Variants in ARHGEF1 observed in about 807,000 individuals in gnomAD.
The protein encoded by ARHGEF1 is Rho guanine nucleotide exchange factor 1.
Under a neutral mutation model 119.7 loss-of-function variants are expected in ARHGEF1, and 40 were observed. That is an observed-to-expected ratio of 0.33 (90% CI 0.26 to 0.44). The LOEUF is 0.44. ARHGEF1 is among the 20% of genes least tolerant of loss of function. ARHGEF1 has a pLI of 1.00. For missense variants in ARHGEF1, 976 were observed against 1,268.3 expected (o/e 0.77, Z 3.50); for synonymous variants, 494 against 521.0 (o/e 0.95, Z 0.71).
At position 41,884,382 on chromosome 19, in the gene ARHGEF1, G is replaced by A. The variant is rs1051463397; in HGVS notation, c.-20+1093G>A. 1.9e-6 allele frequency: 3 copies of A among 1,563,366 alleles called. No individual in the cohort carries two copies. In the South Asian group the frequency reaches 3.4e-5, roughly 18 times the overall value. The stretch of plus-strand genomic sequence containing the variant: ...GAGGAGTGGAGCTGGGCGCAAAGGT[G>A]GACTCAGGGCGGCTAGAGCGACGCG... On this transcript the variant is annotated intron_variant, in intron 1 of 28. Coordinates refer to ENST00000354532, the MANE Select transcript of ARHGEF1 (RefSeq NM_004706.4).
At chr19:41,894,577 T>C in intron 10 of ARHGEF1, 30 bp downstream of exon 10, 1 of 1,613,982 alleles carries the variant, frequency 6.2e-7, no homozygotes, top group Non-Finnish European at 8.5e-7. Flanking sequence ...TGCCCTCCCC[T>C]GTCTTCCCCA....
intron 18 of ARHGEF1, among the ~76,000 whole-genome samples, chr19:41,915,773 G>A (rs1393247771): frequency 5.3e-5 from 8 of 151,918 alleles, no homozygotes; most frequent in Non-Finnish European, 7.4e-5. Flanking sequence ...TGCCCCTGGC[G>A]CCCCCCTGGC....
upstream of ARHGEF1, among the ~76,000 whole-genome samples, chr19:41,920,493 A>C (rs2074835717): frequency 6.7e-6 from 1 of 150,034 alleles, no homozygotes; most frequent in Non-Finnish European, 1.5e-5. Context: ...TGACACACAG[A>C]CATGACGCAC....
rs782794788 is a variant in ARHGEF1 at position 41,888,911 on chromosome 19, A to T, written c.225+46A>T. ...GCACAGGGAGGGGTGGGGCTGGGAC[A>T]GGCACAGCTTTTAGCGAATTAAACC... On this transcript the variant is annotated intron_variant, in intron 4 of 28. Transcript: ENST00000354532. This position sits in a 1 kb window ranked among gnomAD's most constrained non-coding sequence, Gnocchi z 5.1. The T allele has an allele frequency of 5.9e-6, 9 of 1,531,842 alleles. No individual in the cohort carries two copies. In the African/African-American group the frequency reaches 1.1e-4, roughly 19 times the overall value. 94.9% of individuals were successfully genotyped at this position (1,531,842 alleles called of 1,614,324 possible).
rs782667367 is a variant in ARHGEF1, at chr19:41,902,745, A to G, written c.1624-39A>G. 2 of 1,613,306 alleles carry G rather than the reference A, an allele frequency of 1.2e-6. No homozygotes were observed. Among genetic ancestry groups the G allele is most frequent in the Admixed American group, 1.7e-5 (1 of 59,958 alleles). On this transcript the variant is annotated intron_variant, in intron 17 of 28. Coordinates refer to ENST00000354532, the MANE Select transcript of ARHGEF1 (RefSeq NM_004706.4). This position sits in a 1 kb window ranked among gnomAD's most constrained non-coding sequence, Gnocchi z 6.5. ...GGTGCCTGCGCCCTGGGGTGAGCCC[A>G]AAGCCTGGGCCATCGCAACACCAGC... is the stretch of plus-strand genomic sequence containing the variant.
upstream of ARHGEF1, among the ~76,000 whole-genome samples, chr19:41,922,223 C>A (rs141685934): frequency 7.2e-5 from 11 of 152,156 alleles, no homozygotes; most frequent in African/African-American, 2.2e-4. Flanking sequence ...GAGCCCGGGG[C>A]TTGGCACCAA....
chr19:41,905,981 G>T lies in ARHGEF1; in HGVS notation c.2447G>T (p.Arg816Ile). ...CTCAGTGACCTCCTGCCCTTCTGCA[G>T]ACCAGGCCCCGAGGGCCAGCTCGCT... ...RILSDLLPFC[R>I]PGPEGQLAAT... Residue 816 changes from arginine (R) to isoleucine (I), a missense_variant, in exon 26 of 29, where the codon AGA becomes ATA. By Grantham distance (97) the Arg-to-Ile change is moderately conservative. Coordinates refer to ENST00000354532, the MANE Select transcript of ARHGEF1 (RefSeq NM_004706.4). The surrounding 1 kb of genome is among the most constrained non-coding windows in gnomAD (Gnocchi z 6.4). The T allele has an allele frequency of 6.2e-7, 1 of 1,614,082 alleles. No individual in the cohort carries two copies. Among genetic ancestry groups the T allele is most frequent in the Non-Finnish European group, 8.5e-7 (1 of 1,180,012 alleles).
chr19:41,919,771 C>T (rs926001622), upstream of ARHGEF1, among the ~76,000 whole-genome samples: 7 of 137,670 alleles, frequency 5.1e-5, no homozygotes, highest in African/African-American at 1.8e-4. Context: ...GACTGAGCCT[C>T]CTCATCTTGC....
Position 41,907,096 on chromosome 19 carries a change from AT to A in ARHGEF1, c.*18-8del. ...CTCCCCGTCTCCCCTCTTCTCCTAC[AT>A]CCCCCAGGCCTTTTGCAAGAAGGAG... On this transcript the variant is annotated splice_region_variant and splice_polypyrimidine_tract_variant and intron_variant, in intron 28 of 28. Transcript: ENST00000354532. The A allele has an allele frequency of 6.7e-7, 1 of 1,497,400 alleles. No homozygotes were observed. The highest frequency in any genetic ancestry group is 8.8e-7 in the Non-Finnish European group (1 of 1,130,766). The allele number at this position is 1,497,400 out of a possible 1,614,324, so 92.8% of individuals were successfully genotyped here.
At position 41,902,948 on chromosome 19, in the gene ARHGEF1, CATTTT is replaced by C; in HGVS notation, c.1738+51_1738+55del. On this transcript the variant is annotated intron_variant, in intron 18 of 28. Transcript: ENST00000354532. The surrounding 1 kb of genome is among the most constrained non-coding windows in gnomAD (Gnocchi z 6.5). ...CCTCGGCTCTCCTCTTTTTTTTTTACATTTTTTTTCTCACTCATTTTCATCAGTGA... is the reference window on the plus strand; with the variant it reads ...CCTCGGCTCTCCTCTTTTTTTTTTACTTTTCTCACTCATTTTCATCAGTGA... The C allele has an allele frequency of 7.1e-7, 1 of 1,404,412 alleles. No homozygotes were observed. Among genetic ancestry groups the C allele is most frequent in the Non-Finnish European group, 9.7e-7 (1 of 1,034,816 alleles). The allele number at this position is 1,404,412 out of a possible 1,614,324, so 87.0% of individuals were successfully genotyped here.
At chr19:41,899,931 A>AC (rs1802586494) in intron 14 of ARHGEF1, among the ~76,000 whole-genome samples, 1 of 152,054 alleles carries the variant, frequency 6.6e-6, no homozygotes, top group African/African-American at 2.4e-5. Context: ...AAAAAAAAAA[A>AC]AAAACATGAG....
upstream of ARHGEF1, among the ~76,000 whole-genome samples, chr19:41,919,706 TG>T (rs1196664018): frequency 4.6e-5 from 7 of 152,140 alleles, no homozygotes; most frequent in Non-Finnish European, 7.4e-5. Flanking sequence ...CCAGCCCAGC[TG>T]CCGGGGTCCT....
Position 41,888,099 on chromosome 19 carries a change from G to C in ARHGEF1, c.17G>C (p.Arg6Pro), listed in dbSNP as rs183598386. The change falls in exon 2 of 29, where the codon CGA (arginine) becomes CCA (proline). Residue 6 changes from arginine (R) to proline (P), a missense_variant. Arg to Pro is a moderately radical substitution (Grantham distance 103). Transcript: ENST00000354532. The surrounding 1 kb of genome is among the most constrained non-coding windows in gnomAD (Gnocchi z 5.1). Reference sequence around the variant, plus strand: ...CCCAGGGAGATGGAAGACTTCGCCCGAGGGGCGGTGAGTGGACAGAGCAAG... The same window carrying C: ...CCCAGGGAGATGGAAGACTTCGCCCCAGGGGCGGTGAGTGGACAGAGCAAG... Reference protein sequence around the residue: MEDFARGAASPGPSRP... With the variant: MEDFAPGAASPGPSRP... 1.9e-5 allele frequency: 30 copies of C among 1,613,622 alleles called. No individual in the cohort carries two copies. Among genetic ancestry groups the C allele is most frequent in the Non-Finnish European group, 2.5e-5 (30 of 1,179,980 alleles).
rs2074691283 is a variant in ARHGEF1, at chr19:41,906,130, C to G, written c.2491+105C>G. ...CAAAAATTTCCTTACGCCCAGCTGC[C>G]AGAAAACAAATGCTCCAAACCCACC... On this transcript the variant is annotated intron_variant, in intron 26 of 28. Transcript: ENST00000354532. This position sits in a 1 kb window ranked among gnomAD's most constrained non-coding sequence, Gnocchi z 4.5. The G allele has an allele frequency of 8.5e-7, 1 of 1,173,282 alleles. No homozygotes were observed. Among genetic ancestry groups the G allele is most frequent in the African/African-American group, 1.5e-5 (1 of 65,420 alleles). 72.7% of individuals were successfully genotyped at this position (1,173,282 alleles called of 1,614,324 possible).
At chr19:41,929,235 C>T in intron 2 of ARHGEF1, among the ~76,000 whole-genome samples, 1 of 151,986 alleles carries the variant, frequency 6.6e-6, no homozygotes, top group Non-Finnish European at 1.5e-5. Flanking sequence ...ACAAACTGGA[C>T]ACAAAGACAA....
downstream of ARHGEF1, chr19:41,909,830 C>A (rs1301079404): frequency 3.8e-6 from 6 of 1,560,110 alleles, no homozygotes; most frequent in Admixed American, 1.1e-4. This position sits in a 1 kb window ranked among gnomAD's most constrained non-coding sequence, Gnocchi z 5.2. Flanking sequence ...GGGAAAAGGA[C>A]AAGGTGGGAT....
chr19:41,928,580 G>C (rs2074886566), intron 1 of ARHGEF1: 1 of 167,956 alleles, frequency 6.0e-6, no homozygotes. Flanking sequence ...GGCTCGGCTC[G>C]CAGATATATG....
chr19:41,887,235 A>G (rs1384336370), intron 1 of ARHGEF1, among the ~76,000 whole-genome samples: 1 of 152,114 alleles, frequency 6.6e-6, no homozygotes, highest in African/African-American at 2.4e-5. Context: ...AAAATGAGAC[A>G]GTTCTGGAGG....
chr19:41,910,992 C>T (rs2074748446), downstream of ARHGEF1, among the ~76,000 whole-genome samples: 1 of 152,316 alleles, frequency 6.6e-6, no homozygotes, highest in Admixed American at 6.5e-5. The surrounding 1 kb of genome is among the most constrained non-coding windows in gnomAD (Gnocchi z 4.4). Context: ...ACAAGACACA[C>T]ACAGGACCCC....
Sources: gnomAD v4.1 joint callset for allele counts (sites outside exome capture counted in the v4.1 genomes callset) on GRCh38, gnomAD v4.1.1 for gene constraint, Gnocchi (gnomAD v3.1) non-coding constraint, MANE v1.5 for transcripts, NCBI Gene and HGNC (gene_info 2026-07-23, HGNC 2026-07-21) for gene names.